Variants in ZNF777 observed in about 807,000 individuals in gnomAD.
The protein encoded by ZNF777 is zinc finger protein 777.
Under a neutral mutation model 72.1 loss-of-function variants are expected in ZNF777, and 7 were observed. The observed-to-expected ratio is 0.10, with a 90% CI of 0.06 to 0.18. The LOEUF is 0.18. ZNF777 is among the 10% of genes least tolerant of loss of function. ZNF777 has a pLI of 1.00. For missense variants in ZNF777, 828 were observed against 1,128.6 expected (o/e 0.73, Z 3.82); for synonymous variants, 545 against 483.5 (o/e 1.13, Z -1.67).
At chr7:149,452,764 C>T (rs1799749732) in intron 3 of ZNF777, among the ~76,000 whole-genome samples, 1 of 152,120 alleles carries the variant, frequency 6.6e-6, no homozygotes, top group African/African-American at 2.4e-5. Context: ...CACACCCTTG[C>T]AGAAATATCA....
rs201190576 is a variant in ZNF777, at chr7:149,446,560, GT to G, written c.1087+4438del. Among the ~76,000 whole-genome samples the G allele has an allele frequency of 1.1e-4, 16 of 151,534 alleles. No individual in the cohort carries two copies. In the South Asian group the frequency reaches 2.5e-3, roughly 24 times the overall value. ...TATGGCTTTGGTATGTTTCCATCCA[GT>G]TTTTTTTTAATCTACTTTTGCTTAC... On this transcript the variant is annotated intron_variant, in intron 4 of 5. Transcript: ENST00000247930.
chr7:149,444,125 G>A (rs1356586537), intron 4 of ZNF777, among the ~76,000 whole-genome samples: 1 of 152,164 alleles, frequency 6.6e-6, no homozygotes. Context: ...ATACAGTTTT[G>A]TTGTAATTTT....
intron 4 of ZNF777, among the ~76,000 whole-genome samples, chr7:149,446,809 A>G (rs1585696611): frequency 6.6e-6 from 1 of 151,764 alleles, no homozygotes; most frequent in Admixed American, 6.6e-5. Context: ...CCTGCTCCTC[A>G]CCCACTGACT....
At chr7:149,451,139 T>C (rs767655841) in intron 3 of ZNF777, 27 bp from the exon 4 acceptor site, 48 of 1,592,466 alleles carry the variant, frequency 3.0e-5, no homozygotes, top group Non-Finnish European at 4.0e-5. Context: ...GAAAAAAATA[T>C]GCTCTGGGAT....
At chr7:149,440,416 G>T (rs1799488562) in intron 4 of ZNF777, among the ~76,000 whole-genome samples, 1 of 152,090 alleles carries the variant, frequency 6.6e-6, no homozygotes, top group South Asian at 2.1e-4. Flanking sequence ...CTGGAGTACA[G>T]TGGTGAGATC....
At chr7:149,448,964 T>C (rs1157398960) in intron 4 of ZNF777, among the ~76,000 whole-genome samples, 1 of 152,244 alleles carries the variant, frequency 6.6e-6, no homozygotes, top group East Asian at 1.9e-4. Flanking sequence ...TTGGTATATT[T>C]GGAATTATGA....
chr7:149,432,861 G>A lies in ZNF777; in HGVS notation c.1411C>T (p.His471Tyr), dbSNP rs1314968320. ...EEEEEDELPQ[H>Y]LQSLGQLSGR... ...GACAGCTGCCCAAGGGATTGCAAGT[G>A]CTGCGGCAGCTCATCCTCCTCCTCC... is the stretch of plus-strand genomic sequence containing the variant. The change falls in exon 6 of 6, where the codon CAC (histidine) becomes TAC (tyrosine). Residue 471 changes from histidine to tyrosine, a missense_variant. Physicochemically the swap from His to Tyr is moderately conservative, Grantham distance 83. Transcript: ENST00000247930. 3 of 1,568,186 alleles carry A rather than the reference G, an allele frequency of 1.9e-6. No individual in the cohort carries two copies. The highest frequency in any genetic ancestry group is 2.6e-6 in the Non-Finnish European group (3 of 1,156,984).
intron 5 of ZNF777, among the ~76,000 whole-genome samples, chr7:149,434,221 T>C (rs1446552155): frequency 6.6e-6 from 1 of 152,178 alleles, no homozygotes; most frequent in African/African-American, 2.4e-5. Flanking sequence ...TCAAGTAACA[T>C]GGACTGAAGC....
Position 149,460,179 on chromosome 7 carries a change from T to TCGCCGCCGCTACTGC in ZNF777, c.-16+621_-16+635dup, listed in dbSNP as rs1317119560. 2.1e-3 allele frequency: 1,848 copies of TCGCCGCCGCTACTGC among 862,078 alleles called. 15 individuals are homozygous for TCGCCGCCGCTACTGC. Among genetic ancestry groups the TCGCCGCCGCTACTGC allele is most frequent in the Admixed American group, 2.4e-3 (38 of 15,556 alleles). 53.4% of individuals were successfully genotyped at this position (862,078 alleles called of 1,614,324 possible). On this transcript the variant is annotated intron_variant, in intron 1 of 5. Coordinates refer to ENST00000247930, the MANE Select transcript of ZNF777 (RefSeq NM_015694.3). The surrounding 1 kb of genome is among the most constrained non-coding windows in gnomAD (Gnocchi z 6.1). ...CGCTGTCCGGCCCGGGCCCCCGGAG[T>TCGCCGCCGCTACTGC]CGCCGCCGCTACTGCCGCCGCCGCT...
intron 4 of ZNF777, among the ~76,000 whole-genome samples, chr7:149,449,712 C>G (rs964806912): frequency 2.0e-5 from 3 of 152,146 alleles, no homozygotes; most frequent in Admixed American, 6.5e-5. Flanking sequence ...TTTTCCTCAA[C>G]CAAAAGTTCA....
chr7:149,435,974 G>T (rs1299655595), intron 5 of ZNF777, among the ~76,000 whole-genome samples: 1 of 152,224 alleles, frequency 6.6e-6, no homozygotes, highest in Non-Finnish European at 1.5e-5. Flanking sequence ...TCCCGGGCCT[G>T]CCAGGATGGC....
chr7:149,449,573 C>T (rs904951298), intron 4 of ZNF777, among the ~76,000 whole-genome samples: 1 of 152,188 alleles, frequency 6.6e-6, no homozygotes, highest in African/African-American at 2.4e-5. Context: ...AACCACAAAT[C>T]ATCTCTCCTG....
chr7:149,448,391 A>AC (rs1799642455), intron 4 of ZNF777, among the ~76,000 whole-genome samples: 1 of 150,142 alleles, frequency 6.7e-6, no homozygotes, highest in African/African-American at 2.5e-5. Context: ...AATTGCTTGA[A>AC]CCAGGAGGTG....
chr7:149,457,980 C>G (rs1263246179), intron 1 of ZNF777, among the ~76,000 whole-genome samples: 1 of 152,194 alleles, frequency 6.6e-6, no homozygotes, highest in Non-Finnish European at 1.5e-5. Flanking sequence ...ACTGAGGCAG[C>G]TGGCCAGGCA....
intron 5 of ZNF777, among the ~76,000 whole-genome samples, chr7:149,433,802 T>G (rs1217434346): frequency 6.6e-6 from 1 of 152,238 alleles, no homozygotes; most frequent in Non-Finnish European, 1.5e-5. Context: ...TCTAGCCTGG[T>G]CCTTTATGAT....
At chr7:149,457,390 T>C (rs527612358) in intron 1 of ZNF777, among the ~76,000 whole-genome samples, 1 of 152,330 alleles carries the variant, frequency 6.6e-6, no homozygotes, top group Non-Finnish European at 1.5e-5. Flanking sequence ...GGTCTTTAAT[T>C]AAAATTTCAA....
At chr7:149,448,704 G>GCACA in intron 4 of ZNF777, among the ~76,000 whole-genome samples, 1 of 150,744 alleles carries the variant, frequency 6.6e-6, no homozygotes, top group South Asian at 2.1e-4. Context: ...CAATGTCTGA[G>GCACA]CACACAGATT....
rs996811763 is a variant in ZNF777, at chr7:149,436,146, G to A, written c.1339+429C>T. Among the ~76,000 whole-genome samples the A allele has an allele frequency of 2.0e-5, 3 of 152,138 alleles. No homozygotes were observed. Among genetic ancestry groups the A allele is most frequent in the Admixed American group, 6.5e-5 (1 of 15,272 alleles). On this transcript the variant is annotated intron_variant, in intron 5 of 5. Coordinates refer to ENST00000247930, the MANE Select transcript of ZNF777 (RefSeq NM_015694.3). This position sits in a 1 kb window ranked among gnomAD's most constrained non-coding sequence, Gnocchi z 5.0. ...AGACTAGGTTCGACCACAGAATGCC[G>A]GTGCTATTGTTATTTGAAAACCATG...
At position 149,456,055 on chromosome 7, in the gene ZNF777, A is replaced by G; in HGVS notation, c.-15-18T>C. The G allele has an allele frequency of 6.5e-7, 1 of 1,527,682 alleles. No homozygotes were observed. Among genetic ancestry groups the G allele is most frequent in the Non-Finnish European group, 8.8e-7 (1 of 1,138,474 alleles). The allele number at this position is 1,527,682 out of a possible 1,614,324, so 94.6% of individuals were successfully genotyped here. A position where few individuals can be genotyped will look rare whatever the true frequency, so the allele number is the denominator to read the frequency against. On this transcript the variant is annotated intron_variant, in intron 1 of 5. Coordinates refer to ENST00000247930, the MANE Select transcript of ZNF777 (RefSeq NM_015694.3). Reference sequence around the variant, plus strand: ...TGCTGAACCTGTGTTCATGGAAGAAAGGAAAAGAGGATTAAAGGCCACAGT... The same window carrying G: ...TGCTGAACCTGTGTTCATGGAAGAAGGGAAAAGAGGATTAAAGGCCACAGT...
Sources: allele counts gnomAD v4.1 joint callset (sites outside exome capture counted in the v4.1 genomes callset), GRCh38; gene constraint gnomAD v4.1.1; non-coding constraint Gnocchi (gnomAD v3.1); transcripts MANE v1.5; gene names NCBI Gene and HGNC (gene_info 2026-07-23, HGNC 2026-07-21).